The following GALNT13 variants were observed in gnomAD, a reference collection of about 807,000 sequenced individuals.
GALNT13 encodes UDP-GalNAc:polypeptide N-acetylgalactosaminyltransferase 13.
Under a neutral mutation model 64.2 loss-of-function variants are expected in GALNT13, and 28 were observed. The ratio of observed to expected loss-of-function variants is 0.44; its 90% CI spans 0.32 to 0.60. GALNT13 has a LOEUF of 0.60. Among genes scored for constraint, GALNT13 ranks in the 20% least tolerant of loss-of-function variants. The pLI, the probability that GALNT13 is intolerant of heterozygous loss-of-function variation, is 0.05. For missense variants in GALNT13, 577 were observed against 669.8 expected (o/e 0.86, Z 1.53); for synonymous variants, 214 against 224.6 (o/e 0.95, Z 0.42).
the GALNT13 span, among the ~76,000 whole-genome samples, chr2:153,080,692 T>C: frequency 0.034 from 5,229 of 152,198 alleles, 185 homozygotes; most frequent in East Asian, 0.17. Context: ...CGCTTGATCT[T>C]TCTTGGATTA....
chr2:153,097,197 C>T, the GALNT13 span, among the ~76,000 whole-genome samples: 1 of 152,020 alleles, frequency 6.6e-6, no homozygotes, highest in Non-Finnish European at 1.5e-5. Context: ...TATACTGTTT[C>T]TATTTATATT....
the GALNT13 span, among the ~76,000 whole-genome samples, chr2:153,280,255 T>G: frequency 1.1e-4 from 17 of 152,232 alleles, no homozygotes; most frequent in Admixed American, 2.0e-4. Flanking sequence ...GGATCTCTCT[T>G]TTTTCCTTTG....
At chr2:153,345,697 T>TTCTTTC in the GALNT13 span, among the ~76,000 whole-genome samples, 1 of 116,400 alleles carries the variant, frequency 8.6e-6, no homozygotes, top group African/African-American at 3.2e-5. Context: ...CTTTCTTTCT[T>TTCTTTC]TCTTTCTCTT....
At chr2:153,910,062 C>G (rs1433105645) in intron 2 of GALNT13, among the ~76,000 whole-genome samples, 2 of 148,100 alleles carry the variant, frequency 1.4e-5, no homozygotes, top group African/African-American at 4.9e-5. Flanking sequence ...CTGGCCCTGG[C>G]TAGGCTTTTT....
At chr2:154,396,175 A>G in intron 10 of GALNT13, 45 bp downstream of exon 10, 1 of 1,390,826 alleles carries the variant, frequency 7.2e-7, no homozygotes, top group Non-Finnish European at 9.7e-7. Flanking sequence ...TATTTTGCAA[A>G]TGGAGCAATT....
chr2:153,174,990 G>A, the GALNT13 span, among the ~76,000 whole-genome samples: 12 of 152,108 alleles, frequency 7.9e-5, no homozygotes, highest in African/African-American at 2.4e-4. Context: ...ACCAAATCTA[G>A]GATTATTAGA....
chr2:154,034,669 C>T (rs554840264), intron 3 of GALNT13, among the ~76,000 whole-genome samples: 2 of 152,052 alleles, frequency 1.3e-5, no homozygotes, highest in Non-Finnish European at 2.9e-5. Context: ...TGTTTAGTTC[C>T]GACTTATAAG....
At chr2:153,912,957 G>A (rs1021516062) in intron 2 of GALNT13, among the ~76,000 whole-genome samples, 8 of 152,178 alleles carry the variant, frequency 5.3e-5, no homozygotes, top group Admixed American at 6.5e-5. Context: ...GGTGGTAGTG[G>A]GTGCTGGGTA....
chr2:153,423,445 G>A, the GALNT13 span: 2 of 151,750 alleles, frequency 1.3e-5, no homozygotes, highest in African/African-American at 2.4e-5. Context: ...CCTTTAAATC[G>A]AGAACAAGGC....
the GALNT13 span, among the ~76,000 whole-genome samples, chr2:153,618,339 C>A: frequency 6.6e-6 from 1 of 151,914 alleles, no homozygotes; most frequent in East Asian, 1.9e-4. Context: ...TTCCAAAGTT[C>A]CTCCTGTTAT....
the GALNT13 span, among the ~76,000 whole-genome samples, chr2:153,347,299 C>T: frequency 6.6e-6 from 1 of 152,130 alleles, no homozygotes; most frequent in African/African-American, 2.4e-5. Context: ...AGGGATCAGG[C>T]AGCTGAGAAT....
chr2:154,132,157 C>T (rs1682655502), intron 3 of GALNT13, among the ~76,000 whole-genome samples: 2 of 152,090 alleles, frequency 1.3e-5, no homozygotes, highest in Admixed American at 1.3e-4. Context: ...ACAGACACAC[C>T]CAGGAACAAT....
chr2:154,377,488 C>CT (rs1336220706), intron 9 of GALNT13, among the ~76,000 whole-genome samples: 1 of 152,102 alleles, frequency 6.6e-6, no homozygotes, highest in Non-Finnish European at 1.5e-5. Flanking sequence ...CTAACTAAAT[C>CT]AAGCCCAGAA....
At chr2:153,595,449 T>TA in the GALNT13 span, among the ~76,000 whole-genome samples, 1 of 151,904 alleles carries the variant, frequency 6.6e-6, no homozygotes, top group African/African-American at 2.4e-5. Flanking sequence ...TTATGTTATA[T>TA]AAAAAACTCA....
chr2:153,884,392 A>G (rs56160366), intron 1 of GALNT13, among the ~76,000 whole-genome samples: 24,697 of 151,694 alleles, frequency 0.16, 2,415 homozygotes, highest in East Asian at 0.26. Context: ...TAAAGATTCC[A>G]TTGTAGAGCT....
chr2:153,173,484 A>G, the GALNT13 span, among the ~76,000 whole-genome samples: 1 of 152,202 alleles, frequency 6.6e-6, no homozygotes, highest in African/African-American at 2.4e-5. Flanking sequence ...TGCCTCTGTC[A>G]TTATATGGCT....
the GALNT13 span, among the ~76,000 whole-genome samples, chr2:153,738,458 C>T: frequency 3.9e-5 from 6 of 152,032 alleles, 1 homozygote; most frequent in South Asian, 2.1e-4. Flanking sequence ...GCCTCCCTTA[C>T]GAACTATTTA....
chr2:153,328,044 T>TC, the GALNT13 span, among the ~76,000 whole-genome samples: 1 of 152,302 alleles, frequency 6.6e-6, no homozygotes, highest in Admixed American at 6.5e-5. Flanking sequence ...TGGTTTTTTT[T>TC]CTCATAGTCA....
rs540450502 is a variant in GALNT13 at position 153,948,805 on chromosome 2, G to A, written c.142+4166G>A. Among the ~76,000 whole-genome samples the A allele has an allele frequency of 3.3e-5, 5 of 152,218 alleles. No individual in the cohort carries two copies. The South Asian group carries it at 1.0e-3, about 32-fold the overall frequency. On this transcript the variant is annotated intron_variant, in intron 3 of 12. Transcript: ENST00000392825. The stretch of plus-strand genomic sequence containing the variant: ...CACTTATAAGTGGGAGCTAAACAGT[G>A]AGGACACATGGACACGTAGACAGGA...
Sources: gnomAD v4.1 joint callset for allele counts (sites outside exome capture counted in the v4.1 genomes callset) on GRCh38, gnomAD v4.1.1 for gene constraint, MANE v1.5 for transcripts, NCBI Gene and HGNC (gene_info 2026-07-23, HGNC 2026-07-21) for gene names.